Variants in ABCE1 observed in about 807,000 individuals in gnomAD.
The protein encoded by ABCE1 is ATP binding cassette subfamily E member 1, also known as ATP-binding cassette sub-family E member 1.
A neutral mutation model predicts 83.4 loss-of-function variants in ABCE1; 22 were observed. That is an observed-to-expected ratio of 0.26 (90% CI 0.19 to 0.38). The LOEUF is 0.38. Ranked by LOEUF, ABCE1 falls within the 10% of genes least tolerant of loss-of-function variation. ABCE1 has a pLI of 1.00. For missense variants in ABCE1, 330 were observed against 721.9 expected, an observed-to-expected ratio of 0.46 and a Z score of 6.22; for synonymous variants, 204 against 233.7, an observed-to-expected ratio of 0.87 and a Z score of 1.16.
At chr4:145,120,997 A>ACTT in intron 11 of ABCE1, 177 bp from the exon 12 acceptor site, 1 of 592,688 alleles carries the variant, frequency 1.7e-6, no homozygotes, top group South Asian at 2.2e-5. Context: ...CCTTAGAATG[A>ACTT]CACTTCAGAG....
At chr4:145,107,552 G>C (rs1749344232) in intron 3 of ABCE1, among the ~76,000 whole-genome samples, 1 of 152,068 alleles carries the variant, frequency 6.6e-6, no homozygotes, top group South Asian at 2.1e-4. Context: ...TAAATGTATA[G>C]GATTATACCC....
intron 16 of ABCE1, 138 bp from the exon 17 acceptor site, chr4:145,124,852 C>A: frequency 1.7e-6 from 1 of 571,610 alleles, no homozygotes; most frequent in Non-Finnish European, 3.1e-6. Context: ...TTGTAATATG[C>A]TGTTATTATA....
chr4:145,121,140 T>TA, intron 11 of ABCE1, 34 bp from the exon 12 acceptor site: 1 of 1,609,212 alleles, frequency 6.2e-7, no homozygotes, highest in Non-Finnish European at 8.5e-7. Flanking sequence ...GTCAAGCATC[T>TA]TTCAGATCAA....
At position 145,128,940 on chromosome 4, in the gene ABCE1, T is replaced by A. The variant is rs1484597284; in HGVS notation, c.*1367T>A. ...AAATATACAGAATGGAATAAAAAAA[T>A]GATCTCCCTTTATTACCCTCCCAAA... On this transcript the variant is annotated 3_prime_UTR_variant, in exon 18 of 18. Coordinates refer to ENST00000296577, the MANE Select transcript of ABCE1 (RefSeq NM_002940.3). The A allele has an allele frequency of 6.6e-6, 1 of 152,120 alleles. No individual in the cohort carries two copies. The highest frequency in any genetic ancestry group is 1.5e-5 in the Non-Finnish European group (1 of 67,992). The allele number at this position is 152,120 out of a possible 1,614,324, so 9.4% of individuals were successfully genotyped here. A position where few individuals can be genotyped will look rare whatever the true frequency, so the allele number is the denominator to read the frequency against.
At chr4:145,121,093 G>A in intron 11 of ABCE1, 81 bp from the exon 12 acceptor site, 2 of 1,440,788 alleles carry the variant, frequency 1.4e-6, no homozygotes, top group African/African-American at 1.4e-5. Flanking sequence ...AAATTTCTCA[G>A]TTAAAACCAA....
chr4:145,117,221 CTT>C, intron 9 of ABCE1, 70 bp from the exon 10 acceptor site: 1 of 1,344,008 alleles, frequency 7.4e-7, no homozygotes, highest in Non-Finnish European at 1.0e-6. Context: ...AGATGTATCT[CTT>C]TTTCTGAAAT....
At chr4:145,114,712 A>G (rs1749566485) in intron 9 of ABCE1, among the ~76,000 whole-genome samples, 2 of 152,080 alleles carry the variant, frequency 1.3e-5, no homozygotes, top group Admixed American at 1.3e-4. Context: ...AGACTTTCCT[A>G]TATTATAAGA....
chr4:145,117,206 T>C, intron 9 of ABCE1, 87 bp from the exon 10 acceptor site: 2 of 1,168,000 alleles, frequency 1.7e-6, no homozygotes, highest in South Asian at 3.9e-5. Flanking sequence ...TGCTTAAATT[T>C]TATTAGATGT....
Position 145,125,116 on chromosome 4 carries a change from T to G in ABCE1, c.1752+15T>G. 2 of 1,541,786 alleles carry G rather than the reference T, an allele frequency of 1.3e-6. No homozygotes were observed. The highest frequency in any genetic ancestry group is 1.8e-6 in the Non-Finnish European group (2 of 1,116,686). ...ATTCAATTAAGGTATGTAGAAAAGT[T>G]GTCTTAAATCATGGATTACTGATCT... On this transcript the variant is annotated intron_variant, in intron 17 of 17. Transcript: ENST00000296577.
intron 9 of ABCE1, among the ~76,000 whole-genome samples, chr4:145,113,680 A>G (rs574425711): frequency 6.6e-6 from 1 of 152,286 alleles, no homozygotes; most frequent in African/African-American, 2.4e-5. Flanking sequence ...ATAATCTTCA[A>G]AATAAAATCT....
chr4:145,125,325 G>A (rs1031134331), intron 17 of ABCE1, among the ~76,000 whole-genome samples: 1 of 152,002 alleles, frequency 6.6e-6, no homozygotes, highest in African/African-American at 2.4e-5. Context: ...AAAATTAGCC[G>A]AGTCTGGTGG....
At chr4:145,124,262 T>C (rs1749816614) in intron 16 of ABCE1, among the ~76,000 whole-genome samples, 1 of 152,170 alleles carries the variant, frequency 6.6e-6, no homozygotes, top group Non-Finnish European at 1.5e-5. Context: ...TTCAGCATGT[T>C]TTCTGGTATT....
intron 17 of ABCE1, 42 bp downstream of exon 17, chr4:145,125,143 A>T: frequency 7.4e-7 from 1 of 1,347,996 alleles, no homozygotes; most frequent in Non-Finnish European, 1.1e-6. Context: ...TACTGATCTC[A>T]GTATAAACAC....
chr4:145,115,027 TTA>T (rs1749575682), intron 9 of ABCE1, among the ~76,000 whole-genome samples: 1 of 152,064 alleles, frequency 6.6e-6, no homozygotes, highest in South Asian at 2.1e-4. Flanking sequence ...TTAAGAAGTT[TTA>T]TAGAGTTTGA....
intron 8 of ABCE1, among the ~76,000 whole-genome samples, chr4:145,111,607 G>A (rs987531151): frequency 1.3e-5 from 2 of 152,168 alleles, no homozygotes; most frequent in Admixed American, 6.5e-5. Flanking sequence ...GATTACAGGC[G>A]TGAGCCACCA....
chr4:145,117,560 G>A, intron 10 of ABCE1, 146 bp downstream of exon 10: 1 of 617,734 alleles, frequency 1.6e-6, no homozygotes, highest in East Asian at 3.2e-5. Context: ...GAGCATATAA[G>A]GTTATATATA....
chr4:145,120,253 T>A (rs2126712118), intron 11 of ABCE1, 100 bp downstream of exon 11: 1 of 1,014,208 alleles, frequency 9.9e-7, no homozygotes, highest in East Asian at 2.6e-5. Context: ...GTTATAGGGC[T>A]AGAAGCAGAG....
intron 1 of ABCE1, chr4:145,098,682 A>T (rs1748971093): frequency 1.3e-5 from 2 of 152,174 alleles, no homozygotes; most frequent in Admixed American, 1.3e-4. Context: ...TCGAGAATGG[A>T]CCTAGATGCC....
Position 145,110,144 on chromosome 4 carries a change from A to C in ABCE1, c.447A>C (p.Gly149=). The change falls in exon 6 of 18, where the codon GGA becomes GGC. Residue 149 remains glycine, a synonymous_variant. Transcript: ENST00000296577. ...AGGAGATTTTGACTTATTTCCGTGG[A>C]TCTGAATTACAAAATTACTTTACAA... is the stretch of plus-strand genomic sequence containing the variant. ...DWQEILTYFR[G]SELQNYFTKI... is the part of the protein sequence containing the mutation. 1 of 1,590,212 alleles carries C rather than the reference A, an allele frequency of 6.3e-7. No homozygotes were observed.
Sources: gnomAD v4.1 joint callset for allele counts (sites outside exome capture counted in the v4.1 genomes callset) on GRCh38, gnomAD v4.1.1 for gene constraint, MANE v1.5 for transcripts, NCBI Gene and HGNC (gene_info 2026-07-23, HGNC 2026-07-21) for gene names.